AGTPBP1: variants seen among roughly 807,000 people sequenced by gnomAD.
AGTPBP1 encodes ATP/GTP binding carboxypeptidase 1.
A neutral mutation model predicts 143.9 loss-of-function variants in AGTPBP1; 70 were observed. That is an observed-to-expected ratio of 0.49 (90% CI 0.40 to 0.59). The LOEUF (loss-of-function observed/expected upper bound fraction) is 0.59. AGTPBP1 is among the 20% of genes least tolerant of loss of function. AGTPBP1 has a pLI of 0.00. For synonymous variants in AGTPBP1, 463 were observed against 500.2 expected (o/e 0.93, Z 0.99); for missense variants, 1,229 against 1,464.5 (o/e 0.84, Z 2.62).
intron 23 of AGTPBP1, among the ~76,000 whole-genome samples, chr9:85,582,058 CTTTTA>C (rs1564029723): frequency 2.0e-5 from 3 of 152,010 alleles, no homozygotes; most frequent in East Asian, 1.9e-4. Flanking sequence ...TTTTGTAAAC[CTTTTA>C]TTTTAAGCTA....
At chr9:85,705,985 T>C (rs980883598) in intron 2 of AGTPBP1, among the ~76,000 whole-genome samples, 5 of 151,022 alleles carry the variant, frequency 3.3e-5, no homozygotes, top group African/African-American at 1.2e-4. Flanking sequence ...CCACCACGCC[T>C]GGACTATGGA....
chr9:85,669,674 G>GTTTAT (rs757868028), intron 7 of AGTPBP1, 96 bp from the exon 8 acceptor site: 7 of 695,434 alleles, frequency 1.0e-5, no homozygotes, highest in Non-Finnish European at 1.5e-5. Context: ...TATACAAATT[G>GTTTAT]TTTAGTAAAT....
At chr9:85,710,033 T>TC (rs1220131622) in intron 2 of AGTPBP1, among the ~76,000 whole-genome samples, 2 of 152,178 alleles carry the variant, frequency 1.3e-5, no homozygotes, top group Non-Finnish European at 2.9e-5. Context: ...AACACCTGTT[T>TC]ATGAGTACCT....
chr9:85,640,301 G>A (rs1832380085), intron 13 of AGTPBP1, among the ~76,000 whole-genome samples: 1 of 152,084 alleles, frequency 6.6e-6, no homozygotes, highest in Non-Finnish European at 1.5e-5. Flanking sequence ...ACTTAAAAAT[G>A]ACAAAGATAA....
At chr9:85,612,873 GA>G (rs1830399988) in intron 17 of AGTPBP1, among the ~76,000 whole-genome samples, 1 of 145,188 alleles carries the variant, frequency 6.9e-6, no homozygotes. Context: ...GTAGTAGGAA[GA>G]AAAACAGGTT....
At chr9:85,653,104 C>T (rs1037846867) in intron 11 of AGTPBP1, among the ~76,000 whole-genome samples, 5 of 151,738 alleles carry the variant, frequency 3.3e-5, no homozygotes, top group African/African-American at 1.2e-4. Context: ...TGAAGCCTGA[C>T]ATGTGAGAAA....
At chr9:85,585,417 T>A in intron 23 of AGTPBP1, 46 bp downstream of exon 23, 1 of 1,498,646 alleles carries the variant, frequency 6.7e-7, no homozygotes, top group Non-Finnish European at 8.9e-7. Flanking sequence ...TGTACTTTTA[T>A]GCATGTTTGA....
chr9:85,753,714 T>G, the AGTPBP1 span, among the ~76,000 whole-genome samples: 24 of 151,820 alleles, frequency 1.6e-4, no homozygotes, highest in Non-Finnish European at 3.1e-4. Flanking sequence ...ACCATGCCAC[T>G]GCACTCCAGC....
chr9:85,596,397 C>G lies in AGTPBP1; in HGVS notation c.2388G>C (p.Trp796Cys), dbSNP rs746997311. ...SVQEALNARPWWIRMGTDICY... is the reference protein window; with the variant it reads ...SVQEALNARPCWIRMGTDICY... ...AAATGTCAGTCCCCATACGAATCCACCATGGTCTGGCATTTAATGCTTCCT... is the reference window on the plus strand; with the variant it reads ...AAATGTCAGTCCCCATACGAATCCAGCATGGTCTGGCATTTAATGCTTCCT... The change falls in exon 18 of 26, where the codon TGG (tryptophan) becomes TGC (cysteine). Residue 796 changes from tryptophan (W) to cysteine (C), a missense_variant. Trp to Cys is a radical substitution (Grantham distance 215, BLOSUM62 -2). Around this residue, in one of 2 missense-constraint regions of AGTPBP1, gnomAD observed 486 missense variants for 652.3 expected, o/e 0.75. Coordinates refer to ENST00000357081, the MANE Select transcript of AGTPBP1 (RefSeq NM_001330701.2). 1 of 1,611,184 alleles carries G rather than the reference C, an allele frequency of 6.2e-7. No homozygotes were observed. The highest frequency in any genetic ancestry group is 8.5e-7 in the Non-Finnish European group (1 of 1,178,778).
At chr9:85,780,220 C>T in the AGTPBP1 span, among the ~76,000 whole-genome samples, 1 of 150,064 alleles carries the variant, frequency 6.7e-6, no homozygotes, top group African/African-American at 2.5e-5. Context: ...GGTTCAAGAG[C>T]ATAACCCAAT....
the AGTPBP1 span, among the ~76,000 whole-genome samples, chr9:85,750,636 G>T: frequency 6.6e-6 from 1 of 152,162 alleles, no homozygotes; most frequent in African/African-American, 2.4e-5. Context: ...TTGTAGTTGG[G>T]TGTATAGCCT....
the AGTPBP1 span, among the ~76,000 whole-genome samples, chr9:85,776,732 A>C: frequency 6.6e-6 from 1 of 152,094 alleles, no homozygotes; most frequent in African/African-American, 2.4e-5. Context: ...AGTTTAATGG[A>C]ATCATTGTTG....
chr9:85,803,972 A>G, the AGTPBP1 span, among the ~76,000 whole-genome samples: 1 of 152,116 alleles, frequency 6.6e-6, no homozygotes, highest in Non-Finnish European at 1.5e-5. Flanking sequence ...TAGATTCTGC[A>G]TGCACATCAT....
chr9:85,720,235 G>A (rs769637240), intron 1 of AGTPBP1, among the ~76,000 whole-genome samples: 1 of 152,166 alleles, frequency 6.6e-6, no homozygotes, highest in Admixed American at 6.5e-5. Context: ...CAGAAGGAAT[G>A]GTACCAGCTC....
At chr9:85,705,186 A>C (rs1457188919) in intron 2 of AGTPBP1, among the ~76,000 whole-genome samples, 1 of 151,904 alleles carries the variant, frequency 6.6e-6, no homozygotes, top group African/African-American at 2.4e-5. Flanking sequence ...CATACCCAAG[A>C]AGCTCAATAA....
intron 1 of AGTPBP1, among the ~76,000 whole-genome samples, chr9:85,717,833 C>T (rs1319777326): frequency 6.6e-6 from 1 of 151,970 alleles, no homozygotes; most frequent in African/African-American, 2.4e-5. Flanking sequence ...CCCACAGCCC[C>T]CCACCCCCTA....
At position 85,731,885 on chromosome 9, in the gene AGTPBP1, A is replaced by T. The variant is rs536571291; in HGVS notation, c.-34+9890T>A. ...GCTTATGTATCTTTCCTGATCATGC[A>T]TTCTTATCAAAACCAAACAAATCTG... On this transcript the variant is annotated intron_variant, in intron 1 of 25. Coordinates refer to ENST00000357081, the MANE Select transcript of AGTPBP1 (RefSeq NM_001330701.2). Among the ~76,000 whole-genome samples, 12 of 152,334 alleles carry T rather than the reference A, an allele frequency of 7.9e-5. No individual in the cohort carries two copies. In the East Asian group the frequency reaches 2.1e-3, roughly 27 times the overall value.
At chr9:85,777,576 C>A in the AGTPBP1 span, among the ~76,000 whole-genome samples, 1 of 152,202 alleles carries the variant, frequency 6.6e-6, no homozygotes, top group Non-Finnish European at 1.5e-5. Flanking sequence ...GTGGTATCCA[C>A]AGAATGGGTT....
intron 17 of AGTPBP1, among the ~76,000 whole-genome samples, chr9:85,601,381 C>G (rs1829659257): frequency 6.6e-6 from 1 of 152,200 alleles, no homozygotes; most frequent in African/African-American, 2.4e-5. Context: ...CTGGCTCCCC[C>G]ACCATCCCCA....
Sources: gnomAD v4.1 joint callset for allele counts (sites outside exome capture counted in the v4.1 genomes callset) on GRCh38, gnomAD v4.1.1 for gene constraint, gnomAD v4.1.1 regional missense constraint, MANE v1.5 for transcripts, NCBI Gene and HGNC (gene_info 2026-07-23, HGNC 2026-07-21) for gene names.